Variants in GABBR2 observed in about 807,000 individuals in gnomAD.
GABBR2 encodes gamma-aminobutyric acid type B receptor subunit 2, also known as G-protein coupled receptor 51.
Under a neutral mutation model 105.6 loss-of-function variants are expected in GABBR2, and 23 were observed. The observed-to-expected ratio is 0.22, with a 90% confidence interval of 0.16 to 0.31. GABBR2 has a LOEUF of 0.31. Among genes scored for constraint, GABBR2 ranks in the 10% least tolerant of loss-of-function variants. GABBR2 has a pLI of 1.00. For synonymous variants in GABBR2, 478 were observed against 499.7 expected (o/e 0.96, Z 0.58); for missense variants, 734 against 1,245.5 (o/e 0.59, Z 6.18).
intron 4 of GABBR2, among the ~76,000 whole-genome samples, chr9:98,492,312 T>C (rs1209655054): frequency 8.0e-6 from 1 of 124,526 alleles, no homozygotes; most frequent in Non-Finnish European, 1.6e-5. Context: ...TCTACAGTAC[T>C]AGGTCTGTCT....
chr9:98,490,308 C>CA (rs879783239), intron 4 of GABBR2, among the ~76,000 whole-genome samples: 60 of 151,356 alleles, frequency 4.0e-4, no homozygotes, highest in African/African-American at 1.3e-3. Context: ...TGAGTTCTGA[C>CA]AAAAAAAAGG....
In GABBR2 at chr9:98,583,373, C is replaced by T. The variant is rs114682386; in HGVS notation, c.322-5301G>A. Among the ~76,000 whole-genome samples the T allele has an allele frequency of 1.7e-3, 253 of 152,326 alleles. 1 individual carries two copies. The highest frequency in any genetic ancestry group is 5.1e-3 in the African/African-American group (212 of 41,586). The stretch of plus-strand genomic sequence containing the variant: ...TTTTTTACAGTCAGCCCCTCAGGGG[C>T]GTAAAGCCCAGCAGATAGGGCAGTG... On this transcript the variant is annotated intron_variant, in intron 1 of 18. Transcript: ENST00000259455.
chr9:98,424,175 T>C (rs1346938870), intron 7 of GABBR2, among the ~76,000 whole-genome samples: 6 of 152,140 alleles, frequency 3.9e-5, no homozygotes, highest in African/African-American at 9.7e-5. Flanking sequence ...GCTGGTTCAA[T>C]ATACGAAAAT....
At chr9:98,597,266 T>C (rs951379567) in intron 1 of GABBR2, among the ~76,000 whole-genome samples, 1 of 152,198 alleles carries the variant, frequency 6.6e-6, no homozygotes, top group South Asian at 2.1e-4. Context: ...GCATACAGAA[T>C]TTTATTCTTA....
chr9:98,593,809 C>G (rs10819066), intron 1 of GABBR2, among the ~76,000 whole-genome samples: 57,365 of 152,066 alleles, frequency 0.38, 11,221 homozygotes, highest in African/African-American at 0.48. Context: ...CGTGGCCACA[C>G]TCATTCCTCA....
chr9:98,646,178 A>C (rs1192657658), intron 1 of GABBR2, among the ~76,000 whole-genome samples: 1 of 152,224 alleles, frequency 6.6e-6, no homozygotes, highest in Non-Finnish European at 1.5e-5. Flanking sequence ...CCCTCTGATA[A>C]GAATGGCTCA....
chr9:98,689,703 G>C (rs1830661973), intron 1 of GABBR2, among the ~76,000 whole-genome samples: 2 of 152,210 alleles, frequency 1.3e-5, no homozygotes, highest in Non-Finnish European at 1.5e-5. Flanking sequence ...CAAAATGACA[G>C]GGTTTATGGC....
chr9:98,311,247 ACT>A (rs1451129517), intron 13 of GABBR2, 42 bp from the exon 14 acceptor site: 2 of 1,247,280 alleles, frequency 1.6e-6, no homozygotes, highest in African/African-American at 1.5e-5. Context: ...GGCACAGGAC[ACT>A]CTTCCAGCAA....
At chr9:98,488,694 T>C (rs765871124) in intron 4 of GABBR2, among the ~76,000 whole-genome samples, 23 of 152,240 alleles carry the variant, frequency 1.5e-4, no homozygotes, top group South Asian at 8.3e-4. Flanking sequence ...TTCATTCCTG[T>C]TTTGTTACTA....
At chr9:98,301,685 A>G (rs562235777) in intron 16 of GABBR2, among the ~76,000 whole-genome samples, 48 of 152,366 alleles carry the variant, frequency 3.2e-4, no homozygotes, top group Non-Finnish European at 6.3e-4. Flanking sequence ...AGAGTTTTAA[A>G]TAGTGGCCTG....
intron 1 of GABBR2, among the ~76,000 whole-genome samples, chr9:98,637,467 G>C (rs1829896012): frequency 6.6e-6 from 1 of 152,216 alleles, no homozygotes. Context: ...CATGAGGTTA[G>C]ATGGCAATGG....
chr9:98,685,313 A>G (rs1200633559), intron 1 of GABBR2, among the ~76,000 whole-genome samples: 3 of 152,204 alleles, frequency 2.0e-5, no homozygotes, highest in Non-Finnish European at 2.9e-5. Context: ...TGGTTTCCCT[A>G]CTTTTGAGGT....
chr9:98,575,402 T>C (rs572003586), intron 2 of GABBR2, among the ~76,000 whole-genome samples: 1 of 152,124 alleles, frequency 6.6e-6, no homozygotes, highest in East Asian at 1.9e-4. Flanking sequence ...GGACTCAACT[T>C]GGGGAGTGGG....
chr9:98,629,377 T>C (rs1190535981), intron 1 of GABBR2, among the ~76,000 whole-genome samples: 2 of 152,242 alleles, frequency 1.3e-5, no homozygotes, highest in Non-Finnish European at 2.9e-5. Context: ...ATTCTAATCA[T>C]TCAGCCTAAG....
intron 3 of GABBR2, among the ~76,000 whole-genome samples, chr9:98,515,298 C>T (rs912477134): frequency 1.3e-5 from 2 of 152,196 alleles, no homozygotes; most frequent in Admixed American, 1.3e-4. Flanking sequence ...CCTGTTCTCA[C>T]CCCTGCAGAA....
intron 1 of GABBR2, among the ~76,000 whole-genome samples, chr9:98,619,535 A>G (rs998763397): frequency 6.6e-6 from 1 of 152,352 alleles, no homozygotes; most frequent in African/African-American, 2.4e-5. Context: ...CTGATATTTC[A>G]TCGGAATCCA....
intron 3 of GABBR2, among the ~76,000 whole-genome samples, chr9:98,504,975 A>G (rs1827476092): frequency 6.6e-6 from 1 of 152,224 alleles, no homozygotes; most frequent in Non-Finnish European, 1.5e-5. Flanking sequence ...CTTCAAACAC[A>G]GGAGAGCTGT....
At chr9:98,554,446 C>T (rs1049010162) in intron 2 of GABBR2, among the ~76,000 whole-genome samples, 1 of 152,114 alleles carries the variant, frequency 6.6e-6, no homozygotes, top group Non-Finnish European at 1.5e-5. Context: ...GGTTAGTATG[C>T]TTTTGATTCT....
intron 13 of GABBR2, among the ~76,000 whole-genome samples, chr9:98,337,014 C>T (rs976130871): frequency 2.6e-5 from 4 of 151,882 alleles, no homozygotes; most frequent in Non-Finnish European, 5.9e-5. Context: ...CTAAAGAATC[C>T]ACCAAGAAGG....
Sources: gnomAD v4.1 joint callset for allele counts (sites outside exome capture counted in the v4.1 genomes callset) on GRCh38, gnomAD v4.1.1 for gene constraint, MANE v1.5 for transcripts, NCBI Gene and HGNC (gene_info 2026-07-23, HGNC 2026-07-21) for gene names.